The following HTR4 variants were observed in gnomAD, a reference collection of about 807,000 sequenced individuals.
HTR4 encodes 5-hydroxytryptamine (serotonin) receptor 4, G protein-coupled.
In HTR4, 16 loss-of-function variants were observed where a neutral mutation model predicts 36.8. The observed-to-expected ratio is 0.43, with a 90% CI of 0.29 to 0.66. HTR4 has a LOEUF of 0.66. Among genes scored for constraint, HTR4 ranks in the 30% least tolerant of loss-of-function variants. HTR4 has a pLI of 0.13. For missense variants in HTR4, 438 were observed against 490.9 expected, an observed-to-expected ratio of 0.89 and a Z score of 1.02; for synonymous variants, 189 against 185.1, an observed-to-expected ratio of 1.02 and a Z score of -0.17.
Position 148,562,447 on chromosome 5 carries a change from C to T in HTR4, c.27-12185G>A, listed in dbSNP as rs76959721. Among the ~76,000 whole-genome samples the T allele has an allele frequency of 8.9e-4, 136 of 152,246 alleles. 1 individual carries two copies. The East Asian group carries it at 0.022, about 25-fold the overall frequency. ...AAAGCAACACCCTTCCGGTTGACCA[C>T]GCCAGAAACTGAGCATCTTGCTCAT... On this transcript the variant is annotated intron_variant, in intron 2 of 6. Coordinates refer to ENST00000377888, the MANE Select transcript of HTR4 (RefSeq NM_000870.7).
chr5:148,509,623 G>T lies in HTR4; in HGVS notation c.909C>A (p.Ile303=). The change falls in exon 6 of 7, where the codon ATC becomes ATA. Residue 303 remains isoleucine, a synonymous_variant. Transcript: ENST00000377888. ...VWTAFLWLGY[I]NSGLNPFLYA... is the part of the protein sequence containing the mutation. ...AGAGAAAAGGGTTCAACCCGGAATT[G>T]ATATAGCCGAGCCAGAGGAAAGCAG... 6.2e-7 allele frequency: 1 copy of T among 1,614,066 alleles called. No homozygotes were observed. The highest frequency in any genetic ancestry group is 8.5e-7 in the Non-Finnish European group (1 of 1,179,986).
At chr5:148,571,316 T>C (rs894339700) in intron 2 of HTR4, among the ~76,000 whole-genome samples, 2 of 152,106 alleles carry the variant, frequency 1.3e-5, no homozygotes, top group African/African-American at 4.8e-5. Context: ...CGTTAGACTT[T>C]GTTGGTAGTT....
chr5:148,597,135 T>C (rs1761808869), intron 2 of HTR4, among the ~76,000 whole-genome samples: 1 of 152,202 alleles, frequency 6.6e-6, no homozygotes, highest in Non-Finnish European at 1.5e-5. Context: ...AGTAATCTCC[T>C]ATCCTCTGCA....
intron 6 of HTR4, among the ~76,000 whole-genome samples, chr5:148,491,605 G>C (rs1361798377): frequency 6.6e-6 from 1 of 152,064 alleles, no homozygotes; most frequent in African/African-American, 2.4e-5. Flanking sequence ...TATACCAATA[G>C]TATTCCCACG....
intron 4 of HTR4, among the ~76,000 whole-genome samples, chr5:148,545,964 G>A (rs897054448): frequency 1.3e-5 from 2 of 152,192 alleles, no homozygotes; most frequent in Non-Finnish European, 2.9e-5. Context: ...AATTAGGAAA[G>A]TGTTGAGTGA....
At position 148,488,549 on chromosome 5, in the gene HTR4, G is replaced by T. The variant is rs753692030; in HGVS notation, c.1077-5256C>A. On this transcript the variant is annotated intron_variant, in intron 6 of 6. Transcript: ENST00000377888. ...TATTTAGATTTAAAACGTATTTAAAGAAAAATAGTAAATAAATAATAGCAT... is the reference window on the plus strand; with the variant it reads ...TATTTAGATTTAAAACGTATTTAAATAAAAATAGTAAATAAATAATAGCAT... Among the ~76,000 whole-genome samples, 28 of 151,990 alleles carry T rather than the reference G, an allele frequency of 1.8e-4. 1 individual carries two copies. Among genetic ancestry groups the T allele is most frequent in the Admixed American group, 1.5e-3 (23 of 15,252 alleles).
At chr5:148,468,109 C>T (rs1013023245) in intron 5 of HTR4, among the ~76,000 whole-genome samples, 3 of 152,182 alleles carry the variant, frequency 2.0e-5, no homozygotes, top group African/African-American at 4.8e-5. Context: ...TAGGAAGCAG[C>T]GCAGGTGGCT....
Position 148,509,679 on chromosome 5 carries a change from T to C in HTR4, c.853A>G (p.Ile285Val), listed in dbSNP as rs200463742. Residue 285 changes from isoleucine to valine, a missense_variant, in exon 6 of 7, where the codon ATA becomes GTA. Ile to Val is a conservative substitution (Grantham distance 29, BLOSUM62 3). Transcript: ENST00000377888. ...ACCTGCCCAGGGACAGTGTAGTCTA[T>C]GAAAGGATCCACAATATTGGTGACA... ...FFVTNIVDPF[I>V]DYTVPGQVWT... is the part of the protein sequence containing the mutation. 6.2e-7 allele frequency: 1 copy of C among 1,614,054 alleles called. No homozygotes were observed. Among genetic ancestry groups the C allele is most frequent in the Non-Finnish European group, 8.5e-7 (1 of 1,179,986 alleles).
downstream of HTR4, among the ~76,000 whole-genome samples, chr5:148,478,567 AG>A (rs893901128): frequency 6.6e-6 from 1 of 152,192 alleles, no homozygotes; most frequent in African/African-American, 2.4e-5. Context: ...AGCTAAGGAC[AG>A]GAGGTAAACA....
chr5:148,621,747 T>C (rs1017272663), intron 2 of HTR4, among the ~76,000 whole-genome samples: 5 of 152,216 alleles, frequency 3.3e-5, no homozygotes, highest in Non-Finnish European at 7.3e-5. Flanking sequence ...TGGCTTCTAG[T>C]GAAGTCTCTC....
chr5:148,592,927 T>G (rs1163382074), intron 2 of HTR4, among the ~76,000 whole-genome samples: 1 of 152,202 alleles, frequency 6.6e-6, no homozygotes, highest in Non-Finnish European at 1.5e-5. Context: ...AATTTTAAAT[T>G]TTGATTACTA....
At chr5:148,465,442 C>G (rs1434306618) in intron 5 of HTR4, among the ~76,000 whole-genome samples, 1 of 152,084 alleles carries the variant, frequency 6.6e-6, no homozygotes, top group Non-Finnish European at 1.5e-5. Context: ...CTTATTTAGT[C>G]ACGATCAATT....
intron 5 of HTR4, chr5:148,451,336 G>T: frequency 2.5e-6 from 4 of 1,610,010 alleles, no homozygotes; most frequent in South Asian, 2.2e-5. Flanking sequence ...CCGAAGTCAA[G>T]AGCACTCCTT....
intron 6 of HTR4, among the ~76,000 whole-genome samples, chr5:148,488,037 T>C (rs567582335): frequency 6.6e-6 from 1 of 152,190 alleles, no homozygotes; most frequent in African/African-American, 2.4e-5. Context: ...TGATGAGAAA[T>C]AGAATTCTTG....
downstream of HTR4, among the ~76,000 whole-genome samples, chr5:148,473,572 C>T (rs187389194): frequency 1.4e-3 from 208 of 152,232 alleles, 1 homozygote; most frequent in Non-Finnish European, 2.5e-3. Context: ...CTACTTTTTG[C>T]CTGGCTTTCT....
chr5:148,547,444 G>A (rs1478132012), intron 4 of HTR4, among the ~76,000 whole-genome samples: 2 of 151,782 alleles, frequency 1.3e-5, no homozygotes, highest in Non-Finnish European at 2.9e-5. Flanking sequence ...GCGAGAACCC[G>A]GGAGGTGGAG....
chr5:148,527,826 C>T lies in HTR4; in HGVS notation c.354-4480G>A, dbSNP rs537883034. Among the ~76,000 whole-genome samples, 9 of 152,250 alleles carry T rather than the reference C, an allele frequency of 5.9e-5. No homozygotes were observed. In the South Asian group the frequency reaches 1.9e-3, roughly 32 times the overall value. On this transcript the variant is annotated intron_variant, in intron 4 of 6. Transcript: ENST00000377888. ...ACAGGGTTTCGCTATGTTGGCTAGG[C>T]TTGTCTCAAATTCCTGGCCTCAAGT... is the stretch of plus-strand genomic sequence containing the variant.
chr5:148,472,463 G>C (rs1460738503), downstream of HTR4, among the ~76,000 whole-genome samples: 1 of 152,142 alleles, frequency 6.6e-6, no homozygotes, highest in Non-Finnish European at 1.5e-5. Flanking sequence ...CTTTTACCTT[G>C]TCCTGTTTTT....
chr5:148,453,322 CT>C (rs1329641603), intron 5 of HTR4, among the ~76,000 whole-genome samples: 4 of 152,182 alleles, frequency 2.6e-5, no homozygotes, highest in Non-Finnish European at 5.9e-5. Context: ...ATTATTTTAT[CT>C]ATTTTCTCAG....
Sources: allele counts gnomAD v4.1 joint callset (sites outside exome capture counted in the v4.1 genomes callset), GRCh38; gene constraint gnomAD v4.1.1; transcripts MANE v1.5; gene names NCBI Gene and HGNC (gene_info 2026-07-23, HGNC 2026-07-21).